CDHR1: variants seen among roughly 807,000 people sequenced by gnomAD.
The protein encoded by CDHR1 is cadherin-related family member 1.
Under a neutral mutation model 72.1 loss-of-function variants are expected in CDHR1, and 61 were observed. That is an observed-to-expected ratio of 0.85 (90% CI 0.69 to 1.05). CDHR1 has a LOEUF of 1.05. Ranked by LOEUF, CDHR1 falls within the 50% of genes least tolerant of loss-of-function variation. The pLI, the probability that CDHR1 is intolerant of heterozygous loss-of-function variation, is 0.00. For missense variants in CDHR1, 1,186 were observed against 1,115.7 expected (o/e 1.06, Z -0.90); for synonymous variants, 470 against 448.1 (o/e 1.05, Z -0.62).
intron 5 of CDHR1, 25 bp downstream of exon 5, chr10:84,199,146 C>G: frequency 6.5e-7 from 1 of 1,539,992 alleles, no homozygotes; most frequent in Non-Finnish European, 8.8e-7. Context: ...GCTAGAGGGG[C>G]TGATTTTCCC....
intron 6 of CDHR1, among the ~76,000 whole-genome samples, 181 bp from the exon 7 acceptor site, chr10:84,201,626 A>G (rs1842126264): frequency 6.6e-6 from 1 of 152,198 alleles, no homozygotes; most frequent in South Asian, 2.1e-4. Context: ...GTGGGAGGGA[A>G]AGCCCCAAGT....
chr10:84,210,970 C>T (rs1372272496), intron 12 of CDHR1, 31 bp from the exon 13 acceptor site: 1 of 1,613,652 alleles, frequency 6.2e-7, no homozygotes, highest in East Asian at 2.2e-5. Flanking sequence ...AGTGCCTACC[C>T]AGACAAGTCC....
chr10:84,201,507 C>A (rs1220138970), intron 6 of CDHR1, among the ~76,000 whole-genome samples: 1 of 152,246 alleles, frequency 6.6e-6, no homozygotes, highest in African/African-American at 2.4e-5. Context: ...CTGCTGGACC[C>A]TCCAGGCCAG....
In CDHR1 at chr10:84,216,848, G is replaced by A. The variant is rs569889962; in HGVS notation, c.*2227G>A. On this transcript the variant is annotated 3_prime_UTR_variant, in exon 17 of 17. Coordinates refer to ENST00000623527, the MANE Select transcript of CDHR1 (RefSeq NM_033100.4). ...CTCTCCCACCCTACCAGTGCAGCCC[G>A]GCAAGGGCAGGAATTGGGAGGCCTA... is the stretch of plus-strand genomic sequence containing the variant. 67 of 985,526 alleles carry A rather than the reference G, an allele frequency of 6.8e-5. No individual in the cohort carries two copies. Among genetic ancestry groups the A allele is most frequent in the Middle Eastern group, 1.0e-3 (2 of 1,914 alleles). The allele number at this position is 985,526 out of a possible 1,614,324, so 61.0% of individuals were successfully genotyped here. A position where few individuals can be genotyped will look rare whatever the true frequency, so the allele number is the denominator to read the frequency against.
intron 6 of CDHR1, 73 bp downstream of exon 6, chr10:84,200,760 G>T: frequency 1.9e-6 from 2 of 1,033,622 alleles, no homozygotes; most frequent in South Asian, 2.7e-5. Context: ...TACCTCCATC[G>T]CCCCAGGCCC....
Position 84,216,418 on chromosome 10 carries a change from G to A in CDHR1, c.*1797G>A. The A allele has an allele frequency of 3.0e-6, 3 of 985,508 alleles. No individual in the cohort carries two copies. The highest frequency in any genetic ancestry group is 3.6e-6 in the Non-Finnish European group (3 of 829,958). The allele number at this position is 985,508 out of a possible 1,614,324, so 61.0% of individuals were successfully genotyped here. A position where few individuals can be genotyped will look rare whatever the true frequency, so the allele number is the denominator to read the frequency against. On this transcript the variant is annotated 3_prime_UTR_variant, in exon 17 of 17. Transcript: ENST00000623527. ...ACTTTCCAGCCTGTGTTTCAGGAGA[G>A]GACTGTGCTGGATCATGCTTGCCCT...
At chr10:84,201,746 G>T (rs779510340) in intron 6 of CDHR1, 61 bp from the exon 7 acceptor site, 12 of 1,357,290 alleles carry the variant, frequency 8.8e-6, no homozygotes, top group Non-Finnish European at 1.2e-5. Flanking sequence ...AAAGCAGAGC[G>T]GGCATTCCTG....
chr10:84,194,926 C>A, intron 1 of CDHR1, 111 bp downstream of exon 1: 1 of 1,044,818 alleles, frequency 9.6e-7, no homozygotes, highest in Non-Finnish European at 1.4e-6. Flanking sequence ...GAGTGGGACT[C>A]GGGCTGGTGG....
chr10:84,219,125 C>T (rs1481641183), downstream of CDHR1: 1 of 1,454,520 alleles, frequency 6.9e-7, no homozygotes, highest in Non-Finnish European at 9.4e-7. Context: ...CCTGGTACAA[C>T]AAAGTCAGTA....
chr10:84,206,741 C>T (rs1207827980), intron 10 of CDHR1, among the ~76,000 whole-genome samples: 3 of 152,202 alleles, frequency 2.0e-5, no homozygotes, highest in East Asian at 1.9e-4. Flanking sequence ...CAGGAATCTG[C>T]GTATTATAAG....
intron 14 of CDHR1, 97 bp from the exon 15 acceptor site, chr10:84,212,082 T>A (rs1842341797): frequency 1.8e-6 from 2 of 1,090,874 alleles, no homozygotes; most frequent in Non-Finnish European, 1.4e-6. Flanking sequence ...GACACCTCAC[T>A]CCTGCTTCAG....
chr10:84,196,798 C>A (rs1564655752), intron 3 of CDHR1, 148 bp downstream of exon 3: 6 of 889,770 alleles, frequency 6.7e-6, no homozygotes. Context: ...TCTGTGAGAT[C>A]TCTGGGCCAC....
In CDHR1 at chr10:84,215,068, A is replaced by G. The variant is rs1842405916; in HGVS notation, c.*447A>G. ...CTGGATCCTGACGCCTGCAGCTGAG[A>G]GCAGGAGCAGGAAAAGGAGGCTCAG... On this transcript the variant is annotated 3_prime_UTR_variant, in exon 17 of 17. Transcript: ENST00000623527. The G allele has an allele frequency of 6.6e-6, 7 of 1,064,120 alleles. No homozygotes were observed. The highest frequency in any genetic ancestry group is 6.8e-6 in the Non-Finnish European group (6 of 877,112). The allele number at this position is 1,064,120 out of a possible 1,614,324, so 65.9% of individuals were successfully genotyped here. A position where few individuals can be genotyped will look rare whatever the true frequency, so the allele number is the denominator to read the frequency against.
chr10:84,210,593 T>TA (rs1162471954), intron 12 of CDHR1, among the ~76,000 whole-genome samples: 2 of 152,242 alleles, frequency 1.3e-5, no homozygotes, highest in Non-Finnish European at 2.9e-5. Flanking sequence ...TTTATTTTTT[T>TA]AAAAAAAGAA....
Position 84,217,869 on chromosome 10 carries a change from G to A in CDHR1, c.*3248G>A, listed in dbSNP as rs76945434. 6.1e-6 allele frequency: 6 copies of A among 985,378 alleles called. No homozygotes were observed. Among genetic ancestry groups the A allele is most frequent in the Non-Finnish European group, 7.2e-6 (6 of 829,986 alleles). The allele number at this position is 985,378 out of a possible 1,614,324, so 61.0% of individuals were successfully genotyped here. ...GCATTTGGGCGTTGACATTCCAGGG[G>A]AGTTAGGAACAATGAGAGGTCTCTA... On this transcript the variant is annotated 3_prime_UTR_variant, in exon 17 of 17. Transcript: ENST00000623527.
At position 84,216,445 on chromosome 10, in the gene CDHR1, C is replaced by T; in HGVS notation, c.*1824C>T. 1 of 985,484 alleles carries T rather than the reference C, an allele frequency of 1.0e-6. No homozygotes were observed. Among genetic ancestry groups the T allele is most frequent in the Non-Finnish European group, 1.2e-6 (1 of 829,958 alleles). 61.0% of individuals were successfully genotyped at this position (985,484 alleles called of 1,614,324 possible). A position where few individuals can be genotyped will look rare whatever the true frequency, so the allele number is the denominator to read the frequency against. On this transcript the variant is annotated 3_prime_UTR_variant, in exon 17 of 17. Transcript: ENST00000623527. ...ACTGTGCTGGATCATGCTTGCCCTC[C>T]ACAGGGAATACAGCATCCTTACAGC...
intron 9 of CDHR1, 154 bp from the exon 10 acceptor site, chr10:84,205,673 C>T (rs1842211396): frequency 1.6e-5 from 11 of 689,742 alleles, no homozygotes; most frequent in East Asian, 2.7e-5. Flanking sequence ...GTTACTTAGC[C>T]CCTCTGAGAC....
chr10:84,214,360 T>G lies in CDHR1; in HGVS notation c.2319T>G (p.Pro773=), dbSNP rs776256250. 2.5e-6 allele frequency: 4 copies of G among 1,613,976 alleles called. No individual in the cohort carries two copies. In the South Asian group the frequency reaches 4.4e-5, roughly 18 times the overall value. The part of the protein sequence containing the change: ...AATKFMLKEK[P]PNENCNNNSP... ...CCAAGTTCATGCTCAAAGAGAAACC[T>G]CCCAATGAGAACTGTAACAACAACA... The change falls in exon 17 of 17, where the codon CCT becomes CCG. Residue 773 remains proline, a synonymous_variant. Coordinates refer to ENST00000623527, the MANE Select transcript of CDHR1 (RefSeq NM_033100.4).
At chr10:84,219,248 T>C (rs1032512924), downstream of CDHR1, 10 of 1,550,084 alleles carry the variant, frequency 6.5e-6, no homozygotes, top group African/African-American at 1.2e-4. Flanking sequence ...TACTCTAGAG[T>C]TTTTCAAGGG....
Sources: gnomAD v4.1 joint callset for allele counts (sites outside exome capture counted in the v4.1 genomes callset) on GRCh38, gnomAD v4.1.1 for gene constraint, MANE v1.5 for transcripts, NCBI Gene and HGNC (gene_info 2026-07-23, HGNC 2026-07-21) for gene names.